DGKI: variants seen among roughly 807,000 people sequenced by gnomAD.
DGKI encodes the protein diacylglycerol kinase iota.
Under a neutral mutation model 147.5 loss-of-function variants are expected in DGKI, and 55 were observed. The observed-to-expected ratio is 0.37, with a 90% CI of 0.30 to 0.47. The LOEUF is 0.47. Ranked by LOEUF, DGKI falls within the 20% of genes least tolerant of loss-of-function variation. The pLI is 1.00. For synonymous variants in DGKI, 469 were observed against 477.1 expected, an observed-to-expected ratio of 0.98 and a Z score of 0.22; for missense variants, 1,007 against 1,323.8, an observed-to-expected ratio of 0.76 and a Z score of 3.71.
chr7:137,397,795 G>C (rs927332848), intron 30 of DGKI, among the ~76,000 whole-genome samples: 6 of 152,278 alleles, frequency 3.9e-5, no homozygotes, highest in Non-Finnish European at 7.4e-5. Flanking sequence ...TGCTTGGGAT[G>C]GCGTCTTATG....
chr7:137,580,531 C>T (rs1819151902), intron 15 of DGKI, among the ~76,000 whole-genome samples: 1 of 152,120 alleles, frequency 6.6e-6, no homozygotes, highest in Admixed American at 6.6e-5. Context: ...CAAACTATGG[C>T]TTTCTCTTCA....
chr7:137,799,033 A>T (rs932288975), intron 1 of DGKI, among the ~76,000 whole-genome samples: 5 of 152,140 alleles, frequency 3.3e-5, no homozygotes, highest in South Asian at 2.1e-4. Context: ...CTATTTTTTT[A>T]AAAAAACTCA....
At chr7:137,731,532 C>T (rs972264038) in intron 1 of DGKI, among the ~76,000 whole-genome samples, 10 of 152,096 alleles carry the variant, frequency 6.6e-5, no homozygotes, top group Non-Finnish European at 1.3e-4. Flanking sequence ...TGTGCCTTAG[C>T]ACCACCATAC....
intron 20 of DGKI, among the ~76,000 whole-genome samples, chr7:137,549,125 A>G (rs1409678638): frequency 6.6e-6 from 1 of 152,212 alleles, no homozygotes; most frequent in South Asian, 2.1e-4. Flanking sequence ...TCATGTGTAC[A>G]GCTGTGAAGG....
chr7:137,584,390 T>C (rs1304560931), intron 14 of DGKI, among the ~76,000 whole-genome samples: 1 of 152,166 alleles, frequency 6.6e-6, no homozygotes, highest in Non-Finnish European at 1.5e-5. Context: ...AGGCCATAAT[T>C]TAGAACCAAA....
intron 27 of DGKI, among the ~76,000 whole-genome samples, chr7:137,450,836 G>T (rs1220761926): frequency 6.6e-6 from 1 of 151,092 alleles, no homozygotes; most frequent in Non-Finnish European, 1.5e-5. Context: ...CATGAATCTT[G>T]ATCTGAATAT....
chr7:137,516,607 T>C lies in DGKI; in HGVS notation c.2248+5259A>G, dbSNP rs138331770. Among the ~76,000 whole-genome samples, 142 of 152,190 alleles carry C rather than the reference T, an allele frequency of 9.3e-4. 2 individuals are homozygous for C. In the East Asian group the frequency reaches 0.021, roughly 23 times the overall value. On this transcript the variant is annotated intron_variant, in intron 21 of 32. Transcript: ENST00000614521. Reference sequence around the variant, plus strand: ...AGGAACGAATTCTGTTGTTTTTTTTTCTTCCAACCCCTGCTCACGGTAAGG... The same window carrying C: ...AGGAACGAATTCTGTTGTTTTTTTTCCTTCCAACCCCTGCTCACGGTAAGG...
At chr7:137,420,020 C>T (rs897029248) in intron 28 of DGKI, among the ~76,000 whole-genome samples, 1 of 152,182 alleles carries the variant, frequency 6.6e-6, no homozygotes, top group Non-Finnish European at 1.5e-5. Flanking sequence ...CTTTGTTATA[C>T]CTGGCAGCAG....
intron 28 of DGKI, among the ~76,000 whole-genome samples, chr7:137,437,263 C>T (rs79931145): frequency 0.018 from 2,781 of 152,180 alleles, 43 homozygotes; most frequent in Non-Finnish European, 0.028. Context: ...CACAAAAAGA[C>T]GCTTCAGATA....
intron 3 of DGKI, among the ~76,000 whole-genome samples, chr7:137,672,178 T>C (rs2116354748): frequency 6.6e-6 from 1 of 152,356 alleles, no homozygotes; most frequent in South Asian, 2.1e-4. Context: ...CGCACCTGTG[T>C]GCATACGTGT....
At chr7:137,604,974 A>G (rs1820124413) in intron 10 of DGKI, among the ~76,000 whole-genome samples, 1 of 152,132 alleles carries the variant, frequency 6.6e-6, no homozygotes, top group African/African-American at 2.4e-5. Flanking sequence ...ACTGGAGTAA[A>G]CTTTATGTTA....
intron 6 of DGKI, among the ~76,000 whole-genome samples, chr7:137,638,324 A>AT (rs1821404011): frequency 6.9e-6 from 1 of 145,612 alleles, no homozygotes; most frequent in African/African-American, 2.5e-5. Context: ...TCCTCCTCCA[A>AT]TTTTTATCTT....
In DGKI at chr7:137,503,406, A is replaced by G. The variant is rs559078862; in HGVS notation, c.2249-15717T>C. 1.1e-4 allele frequency among the ~76,000 whole-genome samples: 16 copies of G among 152,300 alleles called. 1 individual carries two copies. Among genetic ancestry groups the G allele is most frequent in the African/African-American group, 3.6e-4 (15 of 41,570 alleles). On this transcript the variant is annotated intron_variant, in intron 21 of 32. Coordinates refer to ENST00000614521, the MANE Select transcript of DGKI (RefSeq NM_001321708.2). ...TTCCAATACTGAACTGAAGACCTCA[A>G]TGACAGTTAACACAAACCAAACATA...
chr7:137,431,789 C>A (rs1813082275), intron 28 of DGKI, among the ~76,000 whole-genome samples: 1 of 152,192 alleles, frequency 6.6e-6, no homozygotes, highest in Non-Finnish European at 1.5e-5. Flanking sequence ...CAGGGGGAAA[C>A]CCAGGCCTGA....
chr7:137,495,075 A>C (rs1166049544), intron 21 of DGKI, among the ~76,000 whole-genome samples: 1 of 152,102 alleles, frequency 6.6e-6, no homozygotes, highest in Non-Finnish European at 1.5e-5. Flanking sequence ...ATGGTAGAAA[A>C]ACAGAGAGAA....
intron 28 of DGKI, among the ~76,000 whole-genome samples, chr7:137,418,756 T>C (rs1229553257): frequency 6.6e-6 from 1 of 152,094 alleles, no homozygotes; most frequent in African/African-American, 2.4e-5. Flanking sequence ...TAAAAGTAAA[T>C]ATAAAAACTG....
At chr7:137,821,814 G>T (rs1797910499) in intron 1 of DGKI, among the ~76,000 whole-genome samples, 1 of 152,112 alleles carries the variant, frequency 6.6e-6, no homozygotes, top group South Asian at 2.1e-4. Context: ...AAAGAGGTGG[G>T]GTCACCCCAC....
At chr7:137,514,769 T>C (rs1816696494) in intron 21 of DGKI, among the ~76,000 whole-genome samples, 1 of 152,212 alleles carries the variant, frequency 6.6e-6, no homozygotes. Flanking sequence ...CCAACTCTAC[T>C]ACTTTAACTC....
At chr7:137,841,872 C>G (rs748830128) in intron 1 of DGKI, among the ~76,000 whole-genome samples, 1 of 152,174 alleles carries the variant, frequency 6.6e-6, no homozygotes, top group East Asian at 1.9e-4. Context: ...GAATTGAACA[C>G]CAGCAAAGAC....
Sources: gnomAD v4.1 joint callset for allele counts (sites outside exome capture counted in the v4.1 genomes callset) on GRCh38, gnomAD v4.1.1 for gene constraint, MANE v1.5 for transcripts, NCBI Gene and HGNC (gene_info 2026-07-23, HGNC 2026-07-21) for gene names.